SDK2: variants seen among roughly 807,000 people sequenced by gnomAD.
SDK2 encodes protein sidekick-2.
Under a neutral mutation model 253.9 loss-of-function variants are expected in SDK2, and 105 were observed. The observed-to-expected ratio is 0.41, with a 90% CI of 0.35 to 0.49. The LOEUF (loss-of-function observed/expected upper bound fraction) is 0.49, where lower values mean the gene tolerates loss of function less well. Among genes scored for constraint, SDK2 ranks in the 20% least tolerant of loss-of-function variants. The pLI, the probability that SDK2 is intolerant of heterozygous loss-of-function variation, is 0.06. For synonymous variants in SDK2, 1,249 were observed against 1,234.9 expected, an observed-to-expected ratio of 1.01 and a Z score of -0.24; for missense variants, 2,608 against 3,003.0, an observed-to-expected ratio of 0.87 and a Z score of 3.07.
rs562718484 is a variant in SDK2 at position 73,352,113 on chromosome 17, C to A, written c.5758+360G>T. ...GCTCTGCAGGCTGCTGACCCTGCCA[C>A]GTTGGGGCTGGAGGTTTCCATGGAA... On this transcript the variant is annotated intron_variant, in intron 41 of 44. Coordinates refer to ENST00000392650, the MANE Select transcript of SDK2 (RefSeq NM_001144952.2). The surrounding 1 kb of genome is among the most constrained non-coding windows in gnomAD (Gnocchi z 4.1). Among the ~76,000 whole-genome samples, 1 of 152,056 alleles carries A rather than the reference C, an allele frequency of 6.6e-6. No individual in the cohort carries two copies. Among genetic ancestry groups the A allele is most frequent in the Non-Finnish European group, 1.5e-5 (1 of 68,006 alleles).
chr17:73,352,506 C>G lies in SDK2; in HGVS notation c.5725G>C (p.Gly1909Arg). ...GACTGGGAGGGGCTGCTGGGGGTGC[C>G]GAAACCATAGTCGTTGACCGCGATG... The part of the protein sequence containing the change: ...RVIAVNDYGF[G>R]TPSSPSQSVP... The change falls in exon 41 of 45, where the codon GGC becomes CGC. Residue 1909 changes from glycine to arginine, a missense_variant. By Grantham distance (125) the Gly-to-Arg change is moderately radical. Transcript: ENST00000392650. This position sits in a 1 kb window ranked among gnomAD's most constrained non-coding sequence, Gnocchi z 4.1. 1 of 1,613,782 alleles carries G rather than the reference C, an allele frequency of 6.2e-7. No homozygotes were observed. The highest frequency in any genetic ancestry group is 1.7e-5 in the Admixed American group (1 of 59,982).
In SDK2 at chr17:73,430,557, C is replaced by A. The variant is rs1440165607; in HGVS notation, c.1537G>T (p.Ala513Ser). The change falls in exon 12 of 45, where the codon GCC becomes TCC. Residue 513 changes from alanine to serine, a missense_variant. By Grantham distance (99) the Ala-to-Ser change is moderately conservative (BLOSUM62 1). Transcript: ENST00000392650. ...TGGGTCACTCCGCACACCATGGAGG[C>A]CTGGGTGCCCTTGATGACACTCTGA... ...QDQSVIKGTQ[A>S]SMVCGVTHDP... The A allele has an allele frequency of 2.5e-6, 4 of 1,602,506 alleles. No homozygotes were observed. Among genetic ancestry groups the A allele is most frequent in the Non-Finnish European group, 3.4e-6 (4 of 1,174,432 alleles).
At chr17:73,480,710 G>A (rs1247768551) in intron 2 of SDK2, among the ~76,000 whole-genome samples, 1 of 152,068 alleles carries the variant, frequency 6.6e-6, no homozygotes, top group African/African-American at 2.4e-5. Context: ...GGCTGAGATG[G>A]AGAGAGACAC....
intron 9 of SDK2, among the ~76,000 whole-genome samples, chr17:73,434,467 C>T (rs1224477487): frequency 6.6e-6 from 1 of 152,326 alleles, no homozygotes; most frequent in East Asian, 1.9e-4. Context: ...CTTTGGGGCA[C>T]ACCTACAAGC....
intron 1 of SDK2, among the ~76,000 whole-genome samples, chr17:73,532,859 T>C (rs943165297): frequency 6.6e-6 from 1 of 152,178 alleles, no homozygotes; most frequent in Non-Finnish European, 1.5e-5. Flanking sequence ...AGTGTGTCTG[T>C]CTTCAGTCAC....
At chr17:73,632,419 C>T (rs1021893658) in intron 1 of SDK2, among the ~76,000 whole-genome samples, 2 of 152,210 alleles carry the variant, frequency 1.3e-5, no homozygotes, top group African/African-American at 2.4e-5. Flanking sequence ...CCTTGAACAT[C>T]GGACTCCAAG....
intron 1 of SDK2, chr17:73,641,094 T>C (rs1173008855): frequency 6.6e-6 from 1 of 152,232 alleles, no homozygotes; most frequent in Non-Finnish European, 1.5e-5. Context: ...GACACAGTGA[T>C]GTGGCCATGG....
chr17:73,387,824 C>G lies in SDK2; in HGVS notation c.4394+12G>C, dbSNP rs755310400. On this transcript the variant is annotated intron_variant, in intron 30 of 44. Coordinates refer to ENST00000392650, the MANE Select transcript of SDK2 (RefSeq NM_001144952.2). ...GGGGCAGTGGGGATGCTGGCATGGA[C>G]CCGAGCCTTACCTGTCCACAATGAA... is the stretch of plus-strand genomic sequence containing the variant. 2 of 1,545,188 alleles carry G rather than the reference C, an allele frequency of 1.3e-6. No individual in the cohort carries two copies. Among genetic ancestry groups the G allele is most frequent in the African/African-American group, 1.4e-5 (1 of 73,474 alleles).
At chr17:73,432,384 G>C (rs947122979) in intron 10 of SDK2, among the ~76,000 whole-genome samples, 1 of 152,162 alleles carries the variant, frequency 6.6e-6, no homozygotes, top group Non-Finnish European at 1.5e-5. Context: ...ATCTCCATGT[G>C]TCCATCTGGG....
At position 73,355,174 on chromosome 17, in the gene SDK2, A is replaced by ATTTTTTT. The variant is rs770032791; in HGVS notation, c.5594-2544_5594-2538dup. Reference sequence around the variant, plus strand: ...CCTACACCTCCATATATATATATATATTTTTTTTTTTTTTTTTTTTTAGAC... The same window carrying ATTTTTTT: ...CCTACACCTCCATATATATATATATATTTTTTTTTTTTTTTTTTTTTTTTTTTTAGAC... On this transcript the variant is annotated intron_variant, in intron 40 of 44. Transcript: ENST00000392650. 8.3e-4 allele frequency among the ~76,000 whole-genome samples: 39 copies of ATTTTTTT among 47,174 alleles called. 1 individual carries two copies. The highest frequency in any genetic ancestry group is 1.8e-3 in the South Asian group (1 of 558). The allele number at this position is 47,174 out of a possible 152,430, so 30.9% of individuals were successfully genotyped here. A position where few individuals can be genotyped will look rare whatever the true frequency, so the allele number is the denominator to read the frequency against.
chr17:73,532,205 C>A (rs1436687509), intron 1 of SDK2, among the ~76,000 whole-genome samples: 7 of 137,626 alleles, frequency 5.1e-5, no homozygotes, highest in Admixed American at 2.9e-4. Flanking sequence ...ACAGCCCCCC[C>A]ACCCACCCCC....
intron 29 of SDK2, among the ~76,000 whole-genome samples, 173 bp from the exon 30 acceptor site, chr17:73,388,210 G>A (rs1400166550): frequency 6.6e-6 from 1 of 152,172 alleles, no homozygotes; most frequent in African/African-American, 2.4e-5. Context: ...GGTACAGCCA[G>A]CACCCCTCTC....
chr17:73,428,346 G>A (rs2063300238), intron 12 of SDK2, among the ~76,000 whole-genome samples: 1 of 152,156 alleles, frequency 6.6e-6, no homozygotes, highest in African/African-American at 2.4e-5. Flanking sequence ...TTATGGGCGT[G>A]AGGCACGGCG....
Position 73,337,468 on chromosome 17 carries a change from A to G in SDK2, c.*1119T>C, listed in dbSNP as rs1367585765. 6.6e-6 allele frequency: 1 copy of G among 150,582 alleles called. No homozygotes were observed. The highest frequency in any genetic ancestry group is 1.5e-5 in the Non-Finnish European group (1 of 67,852). The allele number at this position is 150,582 out of a possible 1,614,324, so 9.3% of individuals were successfully genotyped here. A position where few individuals can be genotyped will look rare whatever the true frequency, so the allele number is the denominator to read the frequency against. On this transcript the variant is annotated 3_prime_UTR_variant, in exon 45 of 45. Coordinates refer to ENST00000392650, the MANE Select transcript of SDK2 (RefSeq NM_001144952.2). ...CCCAGATGAGTTTGTTCTGGAGAGG[A>G]TCCCTAGACCCTGTTCCTTGTAAGT... is the stretch of plus-strand genomic sequence containing the variant.
At chr17:73,453,797 T>C (rs2063504753) in intron 4 of SDK2, among the ~76,000 whole-genome samples, 3 of 152,210 alleles carry the variant, frequency 2.0e-5, no homozygotes, top group Non-Finnish European at 2.9e-5. Flanking sequence ...AAATTTCTGA[T>C]GCTCAAATTC....
intron 2 of SDK2, among the ~76,000 whole-genome samples, chr17:73,504,185 AGTGC>A (rs200374964): frequency 0.082 from 8,625 of 105,352 alleles, 367 homozygotes; most frequent in African/African-American, 0.14. Context: ...GAGATGGAGC[AGTGC>A]GTGCGTGTGT....
intron 37 of SDK2, 65 bp from the exon 38 acceptor site, chr17:73,365,460 C>T (rs1282584689): frequency 6.0e-6 from 9 of 1,488,972 alleles, no homozygotes; most frequent in Non-Finnish European, 8.1e-6. Context: ...TCGGGTTCAG[C>T]TCCAAGGAGC....
chr17:73,542,866 C>T (rs1184007921), intron 1 of SDK2, among the ~76,000 whole-genome samples: 6 of 152,080 alleles, frequency 3.9e-5, no homozygotes, highest in South Asian at 2.1e-4. Context: ...AGGAGATTCC[C>T]GGAAATGACT....
chr17:73,555,456 T>C (rs1214243826), intron 1 of SDK2, among the ~76,000 whole-genome samples: 1 of 152,188 alleles, frequency 6.6e-6, no homozygotes, highest in African/African-American at 2.4e-5. Flanking sequence ...CTCGTCTCTA[T>C]GTACTGAGGA....
Sources: allele counts gnomAD v4.1 joint callset (sites outside exome capture counted in the v4.1 genomes callset), GRCh38; gene constraint gnomAD v4.1.1; non-coding constraint Gnocchi (gnomAD v3.1); transcripts MANE v1.5; gene names NCBI Gene and HGNC (gene_info 2026-07-23, HGNC 2026-07-21).